Variants in SH3RF3 observed in about 807,000 individuals in gnomAD.
The protein encoded by SH3RF3 is E3 ubiquitin-protein ligase SH3RF3.
A neutral mutation model predicts 66.3 loss-of-function variants in SH3RF3; 29 were observed. The observed-to-expected ratio is 0.44, with a 90% CI of 0.33 to 0.60. The LOEUF is 0.60. SH3RF3 is among the 20% of genes least tolerant of loss of function. SH3RF3 has a pLI of 0.04. For missense variants in SH3RF3, 1,194 were observed against 1,190.9 expected (o/e 1.00, Z -0.04); for synonymous variants, 583 against 532.0 (o/e 1.10, Z -1.32).
At chr2:109,205,261 C>CT (rs34792138) in intron 1 of SH3RF3, among the ~76,000 whole-genome samples, 5,686 of 135,944 alleles carry the variant, frequency 0.042, 312 homozygotes, top group African/African-American at 0.12. Flanking sequence ...ACTTATGTGA[C>CT]TTTTTTTTTT....
intron 1 of SH3RF3, among the ~76,000 whole-genome samples, chr2:109,211,108 C>A (rs916641610): frequency 1.3e-5 from 2 of 152,134 alleles, no homozygotes; most frequent in Non-Finnish European, 2.9e-5. Flanking sequence ...TTATGTGTGT[C>A]TATGGGGCCT....
chr2:109,205,028 T>C (rs568931106), intron 1 of SH3RF3, among the ~76,000 whole-genome samples: 1 of 152,240 alleles, frequency 6.6e-6, no homozygotes, highest in African/African-American at 2.4e-5. Context: ...GTCAACATAG[T>C]GATACCCTGT....
At chr2:109,389,942 T>C (rs1383831011) in intron 3 of SH3RF3, among the ~76,000 whole-genome samples, 1 of 152,164 alleles carries the variant, frequency 6.6e-6, no homozygotes, top group Non-Finnish European at 1.5e-5. Flanking sequence ...TGCCAGCCAC[T>C]CCTCTTGCTC....
At chr2:109,449,628 G>A (rs141940226) in intron 8 of SH3RF3, 139 bp downstream of exon 8, 184 of 1,162,372 alleles carry the variant, frequency 1.6e-4, no homozygotes, top group Middle Eastern at 1.5e-3. Context: ...TGAACCAGGC[G>A]TGTGACAGAG....
At chr2:109,139,045 G>A (rs1352714652) in intron 1 of SH3RF3, among the ~76,000 whole-genome samples, 4 of 152,214 alleles carry the variant, frequency 2.6e-5, no homozygotes, top group Non-Finnish European at 4.4e-5. Context: ...GGTGATGTCT[G>A]TGGATTTAAT....
chr2:109,449,148 G>A, intron 7 of SH3RF3, 22 bp from the exon 8 acceptor site: 1 of 1,608,958 alleles, frequency 6.2e-7, no homozygotes, highest in South Asian at 1.1e-5. Flanking sequence ...TCAACCTGCT[G>A]TCTCTCCAAC....
At chr2:109,197,721 C>T (rs1466801696) in intron 1 of SH3RF3, among the ~76,000 whole-genome samples, 1 of 152,202 alleles carries the variant, frequency 6.6e-6, no homozygotes, top group East Asian at 1.9e-4. Flanking sequence ...GTGTGCCTTG[C>T]TGGAGTAGAA....
chr2:109,347,549 G>C lies in SH3RF3; in HGVS notation c.574-125G>C, dbSNP rs1410879401. ...TCTTTAAAATATTTTCCACTTGCGG[G>C]GCACTCTGTATGCACCCCCAGGACA... On this transcript the variant is annotated intron_variant, in intron 1 of 9. Coordinates refer to ENST00000309415, the MANE Select transcript of SH3RF3 (RefSeq NM_001099289.3). 6.2e-6 allele frequency: 8 copies of C among 1,295,348 alleles called. No individual in the cohort carries two copies. In the East Asian group the frequency reaches 2.0e-4, roughly 33 times the overall value. The allele number at this position is 1,295,348 out of a possible 1,614,324, so 80.2% of individuals were successfully genotyped here. A position where few individuals can be genotyped will look rare whatever the true frequency, so the allele number is the denominator to read the frequency against.
chr2:109,411,523 G>A (rs533819267), intron 4 of SH3RF3, among the ~76,000 whole-genome samples: 12 of 152,310 alleles, frequency 7.9e-5, no homozygotes, highest in Middle Eastern at 3.4e-3. Flanking sequence ...GTTTGCATCC[G>A]TAGCAACAGA....
chr2:109,421,610 C>G (rs1676880714), intron 5 of SH3RF3, among the ~76,000 whole-genome samples: 2 of 152,210 alleles, frequency 1.3e-5, no homozygotes, highest in Non-Finnish European at 2.9e-5. Flanking sequence ...CCCTGGGGGA[C>G]AGGGTTGCTG....
chr2:109,172,200 G>C (rs1196078663), intron 1 of SH3RF3, among the ~76,000 whole-genome samples: 1 of 152,228 alleles, frequency 6.6e-6, no homozygotes, highest in African/African-American at 2.4e-5. Context: ...TCTCAGACCA[G>C]GGTCCTCTGG....
At chr2:109,305,273 G>C (rs1681564200) in intron 1 of SH3RF3, among the ~76,000 whole-genome samples, 1 of 152,130 alleles carries the variant, frequency 6.6e-6, no homozygotes, top group Non-Finnish European at 1.5e-5. Context: ...ATTCATTCCA[G>C]ACTGGAGGCG....
chr2:109,363,951 C>T (rs1380415328), intron 2 of SH3RF3, among the ~76,000 whole-genome samples: 2 of 152,142 alleles, frequency 1.3e-5, no homozygotes, highest in African/African-American at 4.8e-5. Flanking sequence ...TTTCTGGCAT[C>T]TATCCTGCTT....
chr2:109,316,416 A>G (rs1285280062), intron 1 of SH3RF3, among the ~76,000 whole-genome samples: 1 of 152,182 alleles, frequency 6.6e-6, no homozygotes, highest in African/African-American at 2.4e-5. Context: ...CTTCCTGTCT[A>G]TCACAGGAGG....
At chr2:109,155,099 C>T (rs984591370) in intron 1 of SH3RF3, among the ~76,000 whole-genome samples, 4 of 152,188 alleles carry the variant, frequency 2.6e-5, no homozygotes, top group African/African-American at 9.7e-5. Flanking sequence ...GCAAGGGTTC[C>T]ATGAGCCACA....
At chr2:109,488,682 G>A (rs139700489) in intron 8 of SH3RF3, among the ~76,000 whole-genome samples, 13,765 of 152,130 alleles carry the variant, frequency 0.09, 896 homozygotes, top group African/African-American at 0.19. Context: ...AAGTTGTGCC[G>A]CCAACAAGAG....
intron 3 of SH3RF3, among the ~76,000 whole-genome samples, chr2:109,377,322 A>G (rs1050684901): frequency 5.3e-5 from 8 of 152,136 alleles, no homozygotes; most frequent in African/African-American, 1.9e-4. Flanking sequence ...TGGGTCACAG[A>G]TGAGAGGTGG....
At chr2:109,267,252 A>G (rs371797255) in intron 1 of SH3RF3, among the ~76,000 whole-genome samples, 15 of 152,122 alleles carry the variant, frequency 9.9e-5, no homozygotes, top group East Asian at 3.9e-4. Context: ...AAGGCACACA[A>G]TGGAACCAGA....
chr2:109,440,603 A>G (rs1192122253), intron 7 of SH3RF3, among the ~76,000 whole-genome samples: 1 of 152,214 alleles, frequency 6.6e-6, no homozygotes, highest in Non-Finnish European at 1.5e-5. Flanking sequence ...AAGTATATAA[A>G]ACAACAGTTT....
Sources: gnomAD v4.1 joint callset for allele counts (sites outside exome capture counted in the v4.1 genomes callset) on GRCh38, gnomAD v4.1.1 for gene constraint, MANE v1.5 for transcripts, NCBI Gene and HGNC (gene_info 2026-07-23, HGNC 2026-07-21) for gene names.